Variants in PCDHA7 observed in about 807,000 individuals in gnomAD.
The protein encoded by PCDHA7 is protocadherin alpha 7, also known as protocadherin alpha-7.
In PCDHA7, 37 loss-of-function variants were observed where a neutral mutation model predicts 57.2. The observed-to-expected ratio is 0.65, with a 90% confidence interval of 0.50 to 0.85. The LOEUF is 0.85. Ranked by LOEUF, PCDHA7 falls within the 40% of genes least tolerant of loss-of-function variation. The pLI, the probability that PCDHA7 is intolerant of heterozygous loss-of-function variation, is 0.00. For synonymous variants in PCDHA7, 553 were observed against 558.8 expected (o/e 0.99, Z 0.15); for missense variants, 1,188 against 1,241.8 (o/e 0.96, Z 0.65).
intron 3 of PCDHA7, among the ~76,000 whole-genome samples, chr5:140,995,888 T>C (rs1307052037): frequency 3.3e-5 from 5 of 152,216 alleles, no homozygotes; most frequent in Non-Finnish European, 5.9e-5. Flanking sequence ...GCTTCAGATT[T>C]ATCAATGTAT....
rs782003848 is a variant in PCDHA7 at position 140,929,358 on chromosome 5, G to GC, written c.2356-49588dup. The GC allele has an allele frequency of 3.9e-6, 6 of 1,522,886 alleles. No homozygotes were observed. The South Asian group carries it at 5.3e-5, about 13-fold the overall frequency. 94.3% of individuals were successfully genotyped at this position (1,522,886 alleles called of 1,614,324 possible). A position where few individuals can be genotyped will look rare whatever the true frequency, so the allele number is the denominator to read the frequency against. Reference sequence around the variant, plus strand: ...AATTTTATGGAATTTGATTCCTTTGGCCCGGAGATGGCTGCTAGCTGTGTT... The same window carrying GC: ...AATTTTATGGAATTTGATTCCTTTGGCCCCGGAGATGGCTGCTAGCTGTGTT... On this transcript the variant is annotated intron_variant, in intron 1 of 3. Coordinates refer to ENST00000525929, the MANE Select transcript of PCDHA7 (RefSeq NM_018910.3).
chr5:140,905,652 T>A (rs1554192111), intron 1 of PCDHA7, among the ~76,000 whole-genome samples: 1 of 152,240 alleles, frequency 6.6e-6, no homozygotes, highest in East Asian at 1.9e-4. Flanking sequence ...CAGTATTGAT[T>A]CCTGTCATCC....
chr5:140,839,950 C>T (rs1554137654), intron 1 of PCDHA7, among the ~76,000 whole-genome samples: 2 of 152,022 alleles, frequency 1.3e-5, no homozygotes, highest in Non-Finnish European at 2.9e-5. Context: ...AAGGAGACAA[C>T]ATATTTTCTG....
chr5:140,849,848 C>A (rs2150453425), intron 1 of PCDHA7: 1 of 1,598,546 alleles, frequency 6.3e-7, no homozygotes, highest in African/African-American at 1.3e-5. Context: ...TGAACGACAA[C>A]GCACCAGCGT....
chr5:140,954,830 T>TG (rs2095095109), intron 1 of PCDHA7, among the ~76,000 whole-genome samples: 1 of 152,220 alleles, frequency 6.6e-6, no homozygotes, highest in Admixed American at 6.5e-5. Flanking sequence ...GGCACTTTTG[T>TG]CATGAAATCT....
chr5:140,928,223 A>G (rs2085050678), intron 1 of PCDHA7: 1 of 1,614,178 alleles, frequency 6.2e-7, no homozygotes. Flanking sequence ...AATACACCAA[A>G]CTTTCCTCAA....
intron 1 of PCDHA7, among the ~76,000 whole-genome samples, chr5:140,923,099 G>A (rs1164124655): frequency 6.6e-6 from 1 of 152,168 alleles, no homozygotes; most frequent in Non-Finnish European, 1.5e-5. Flanking sequence ...ACCAATGGGA[G>A]TATGATTTTA....
chr5:140,967,927 C>T (rs782426020), intron 1 of PCDHA7: 3 of 1,614,228 alleles, frequency 1.9e-6, no homozygotes, highest in Non-Finnish European at 2.5e-6. Context: ...TGGCCGTTCT[C>T]AGTGTCAATG....
chr5:140,993,460 TCTCACACACA>T (rs1210103837), intron 3 of PCDHA7, among the ~76,000 whole-genome samples: 11 of 104,506 alleles, frequency 1.1e-4, no homozygotes, highest in Admixed American at 1.2e-4. Flanking sequence ...CTTCTTTCTT[TCTCACACACA>T]CACACACACA....
At chr5:140,841,906 A>G in intron 1 of PCDHA7, 1 of 1,613,880 alleles carries the variant, frequency 6.2e-7, no homozygotes, top group Non-Finnish European at 8.5e-7. Context: ...TTGAGCTCGT[A>G]TTAAGAAAAT....
At chr5:140,858,289 T>A in intron 1 of PCDHA7, 2 of 1,597,184 alleles carry the variant, frequency 1.3e-6, no homozygotes, top group East Asian at 4.5e-5. Context: ...GGAGCTGGTC[T>A]TACTCGCAGC....
At chr5:140,967,731 G>T in intron 1 of PCDHA7, 1 of 1,614,164 alleles carries the variant, frequency 6.2e-7, no homozygotes, top group African/African-American at 1.3e-5. Context: ...GTAATTGGGG[G>T]GCTGGATTAT....
chr5:140,960,849 A>G (rs1347970743), intron 1 of PCDHA7, among the ~76,000 whole-genome samples: 10 of 152,220 alleles, frequency 6.6e-5, no homozygotes, highest in African/African-American at 2.2e-4. Context: ...TTTAATGGCA[A>G]CTATAAGCCA....
chr5:140,983,284 A>G (rs540419188), intron 3 of PCDHA7, among the ~76,000 whole-genome samples: 1 of 152,330 alleles, frequency 6.6e-6, no homozygotes, highest in East Asian at 1.9e-4. Context: ...GAGTATAGGA[A>G]AATTGCTTAA....
At chr5:140,924,894 CAAAAAA>C (rs782133089) in intron 1 of PCDHA7, among the ~76,000 whole-genome samples, 79 of 71,496 alleles carry the variant, frequency 1.1e-3, no homozygotes, top group African/African-American at 2.7e-3. Flanking sequence ...GAACCTGTCT[CAAAAAA>C]AAAAATAAAA....
At chr5:140,948,098 AT>A (rs1400798416) in intron 1 of PCDHA7, among the ~76,000 whole-genome samples, 2 of 151,502 alleles carry the variant, frequency 1.3e-5, no homozygotes, top group African/African-American at 4.8e-5. Flanking sequence ...TGAGCATATG[AT>A]TTTTCTTCGT....
intron 1 of PCDHA7, among the ~76,000 whole-genome samples, chr5:140,855,480 A>G (rs567213059): frequency 6.7e-6 from 1 of 149,976 alleles, no homozygotes; most frequent in South Asian, 2.1e-4. Context: ...GATGCTTGAC[A>G]TTAGTGTCTA....
intron 1 of PCDHA7, among the ~76,000 whole-genome samples, chr5:140,845,576 A>G (rs1779934940): frequency 6.7e-6 from 1 of 149,490 alleles, no homozygotes; most frequent in Non-Finnish European, 1.5e-5. Flanking sequence ...AATTTCTGGG[A>G]TTGAAATGTG....
At chr5:140,843,631 G>T (rs2150363915) in intron 1 of PCDHA7, 1 of 1,595,994 alleles carries the variant, frequency 6.3e-7, no homozygotes, top group East Asian at 2.2e-5. Flanking sequence ...CGGACCTCAT[G>T]GCCTTCAGCC....
Sources: gnomAD v4.1 joint callset for allele counts (sites outside exome capture counted in the v4.1 genomes callset) on GRCh38, gnomAD v4.1.1 for gene constraint, MANE v1.5 for transcripts, NCBI Gene and HGNC (gene_info 2026-07-23, HGNC 2026-07-21) for gene names.